Variants in MTA3 observed in about 807,000 individuals in gnomAD.
The protein encoded by MTA3 is metastasis-associated protein MTA3.
In MTA3, 34 loss-of-function variants were observed where a neutral mutation model predicts 83.5. The observed-to-expected ratio is 0.41, with a 90% CI of 0.31 to 0.54. The LOEUF (loss-of-function observed/expected upper bound fraction) is 0.54. MTA3 is among the 20% of genes least tolerant of loss of function. The pLI is 0.33. For missense variants in MTA3, 761 were observed against 726.4 expected (o/e 1.05, Z -0.55); for synonymous variants, 303 against 252.7 (o/e 1.20, Z -1.89).
chr2:42,514,954 G>A (rs1288860465), intron 2 of MTA3, among the ~76,000 whole-genome samples: 1 of 151,326 alleles, frequency 6.6e-6, no homozygotes, highest in Non-Finnish European at 1.5e-5. Flanking sequence ...ACCTCCCAAA[G>A]CGCTGGGATT....
intron 3 of MTA3, among the ~76,000 whole-genome samples, chr2:42,595,918 A>G (rs1573140763): frequency 6.6e-6 from 1 of 152,304 alleles, no homozygotes; most frequent in African/African-American, 2.4e-5. Context: ...CTTACATTAT[A>G]TATGTCCCCA....
chr2:42,593,798 G>A (rs1399151071), intron 3 of MTA3, among the ~76,000 whole-genome samples: 2 of 152,074 alleles, frequency 1.3e-5, no homozygotes, highest in Non-Finnish European at 2.9e-5. Flanking sequence ...GGGCAACATA[G>A]CAAGACCCCA....
intron 2 of MTA3, among the ~76,000 whole-genome samples, chr2:42,507,267 G>A (rs928209602): frequency 1.3e-5 from 2 of 151,980 alleles, no homozygotes; most frequent in African/African-American, 4.8e-5. Flanking sequence ...GACCTCCTAA[G>A]CTCAAGCAAT....
In MTA3 at chr2:42,568,648, G is replaced by A; in HGVS notation, c.-98G>A. 1.4e-6 allele frequency: 1 copy of A among 713,308 alleles called. No homozygotes were observed. Among genetic ancestry groups the A allele is most frequent in the Non-Finnish European group, 1.8e-6 (1 of 565,372 alleles). The allele number at this position is 713,308 out of a possible 1,614,324, so 44.2% of individuals were successfully genotyped here. A position where few individuals can be genotyped will look rare whatever the true frequency, so the allele number is the denominator to read the frequency against. On this transcript the variant is annotated 5_prime_UTR_variant, in exon 1 of 17. Transcript: ENST00000405094. Reference sequence around the variant, plus strand: ...TTCCCCCCCGTGGCGAGGCAGCAGCGACGGCGGCGGCGGCAGCGGCGGTCG... The same window carrying A: ...TTCCCCCCCGTGGCGAGGCAGCAGCAACGGCGGCGGCGGCAGCGGCGGTCG...
At chr2:42,716,508 T>C (rs1355431108) in intron 14 of MTA3, among the ~76,000 whole-genome samples, 4 of 152,154 alleles carry the variant, frequency 2.6e-5, no homozygotes, top group African/African-American at 9.7e-5. Context: ...TAGGCCCCAG[T>C]GTCTGTTGCT....
At chr2:42,633,865 G>T (rs531298535) in intron 4 of MTA3, among the ~76,000 whole-genome samples, 1 of 151,782 alleles carries the variant, frequency 6.6e-6, no homozygotes, top group East Asian at 1.9e-4. Flanking sequence ...CTCCAACCTG[G>T]GCGACAGAGC....
At chr2:42,718,893 C>A in intron 14 of MTA3, 95 bp from the exon 15 acceptor site, 1 of 897,134 alleles carries the variant, frequency 1.1e-6, no homozygotes, top group South Asian at 1.8e-5. Flanking sequence ...CTATTTTGTA[C>A]TGTTTTCCAC....
intron 2 of MTA3, among the ~76,000 whole-genome samples, chr2:42,563,019 C>T (rs947230243): frequency 9.9e-5 from 15 of 152,184 alleles, no homozygotes; most frequent in East Asian, 3.9e-4. Flanking sequence ...GTCACCAGAT[C>T]GGATCTTGCC....
At chr2:42,678,410 T>C (rs1464021854) in intron 8 of MTA3, among the ~76,000 whole-genome samples, 4 of 152,198 alleles carry the variant, frequency 2.6e-5, no homozygotes, top group Non-Finnish European at 5.9e-5. Flanking sequence ...TGATCTCGGC[T>C]CACTGCTACT....
intron 14 of MTA3, among the ~76,000 whole-genome samples, chr2:42,714,335 G>A (rs763795005): frequency 2.8e-4 from 42 of 151,668 alleles, no homozygotes; most frequent in Non-Finnish European, 5.6e-4. Flanking sequence ...TGACTTTATG[G>A]TGTATTTGCC....
intron 6 of MTA3, among the ~76,000 whole-genome samples, chr2:42,645,807 C>G (rs925478934): frequency 6.6e-6 from 1 of 152,232 alleles, no homozygotes. Flanking sequence ...AGTAAAGCAG[C>G]AAGTGCTGAT....
intron 16 of MTA3, among the ~76,000 whole-genome samples, chr2:42,739,112 C>T (rs1184467222): frequency 6.6e-6 from 1 of 152,160 alleles, no homozygotes; most frequent in East Asian, 1.9e-4. Flanking sequence ...ACTCCCTCCC[C>T]TTTTGAAAAT....
intron 2 of MTA3, among the ~76,000 whole-genome samples, chr2:42,495,701 A>G (rs376931826): frequency 1.3e-5 from 2 of 152,268 alleles, no homozygotes; most frequent in African/African-American, 4.8e-5. Context: ...TTTAAATTGG[A>G]TCCCATAAGC....
chr2:42,557,115 C>T (rs529910826), intron 2 of MTA3, among the ~76,000 whole-genome samples: 7 of 152,036 alleles, frequency 4.6e-5, no homozygotes, highest in Admixed American at 1.3e-4. Flanking sequence ...AGGTGGCTCA[C>T]GCCTGTAATC....
rs112714865 is a variant in MTA3 at position 42,575,885 on chromosome 2, G to A, written c.97-3222G>A. 4.0e-3 allele frequency among the ~76,000 whole-genome samples: 607 copies of A among 151,966 alleles called. 9 individuals are homozygous for A. The highest frequency in any genetic ancestry group is 0.014 in the African/African-American group (562 of 41,438). On this transcript the variant is annotated intron_variant, in intron 2 of 16. Coordinates refer to ENST00000405094, the MANE Select transcript of MTA3 (RefSeq NM_001330442.2). Reference sequence around the variant, plus strand: ...TCATCCATCCTCACCTCCTCCCTCCGCCTACCTGTTGTCAGCACAGAGTCA... The same window carrying A: ...TCATCCATCCTCACCTCCTCCCTCCACCTACCTGTTGTCAGCACAGAGTCA...
intron 3 of MTA3, among the ~76,000 whole-genome samples, chr2:42,582,629 A>T (rs1010568302): frequency 6.6e-6 from 1 of 152,118 alleles, no homozygotes; most frequent in African/African-American, 2.4e-5. Context: ...CTCTATTTTT[A>T]AAAAAATTAT....
Position 42,556,015 on chromosome 2 carries a change from T to C in MTA3, c.-140-14422T>C, listed in dbSNP as rs530319685. On this transcript the variant is annotated intron_variant, in intron 2 of 17. Coordinates refer to the MTA3 transcript ENST00000405592. ...AGAACCCAGGAGATGGAAGTTGCAG[T>C]GAGCCGACACAGTGCCGCTGCATTC... Among the ~76,000 whole-genome samples the C allele has an allele frequency of 2.3e-3, 344 of 151,528 alleles. 1 individual carries two copies. Among genetic ancestry groups the C allele is most frequent in the Non-Finnish European group, 3.2e-3 (214 of 67,920 alleles).
chr2:42,604,083 C>T (rs1682932457), intron 3 of MTA3, among the ~76,000 whole-genome samples: 1 of 151,992 alleles, frequency 6.6e-6, no homozygotes, highest in Admixed American at 6.6e-5. Context: ...CTCTTGTCGC[C>T]CAGGCTGGAG....
Position 42,729,086 on chromosome 2 carries a change from G to GTTTTTTGTTTTTTTTTT in MTA3, c.1759+6057_1759+6058insGTTTTTTTTTTTTTTTT, listed in dbSNP as rs1430675726. Among the ~76,000 whole-genome samples, 132 of 60,124 alleles carry GTTTTTTGTTTTTTTTTT rather than the reference G, an allele frequency of 2.2e-3. 31 individuals are homozygous for GTTTTTTGTTTTTTTTTT. Among genetic ancestry groups the GTTTTTTGTTTTTTTTTT allele is most frequent in the South Asian group, 3.1e-3 (4 of 1,294 alleles). 39.4% of individuals were successfully genotyped at this position (60,124 alleles called of 152,430 possible). On this transcript the variant is annotated intron_variant, in intron 16 of 16. Coordinates refer to ENST00000405094, the MANE Select transcript of MTA3 (RefSeq NM_001330442.2). ...TTCTTTTATTAGTTTCACAGTTTGA[G>GTTTTTTGTTTTTTTTTT]TTTTTTTTTTTTTTTTTTTTTTTTT... is the stretch of plus-strand genomic sequence containing the variant.
Sources: allele counts gnomAD v4.1 joint callset (sites outside exome capture counted in the v4.1 genomes callset), GRCh38; gene constraint gnomAD v4.1.1; transcripts MANE v1.5; gene names NCBI Gene and HGNC (gene_info 2026-07-23, HGNC 2026-07-21).